The following PLEKHG3 variants were observed in gnomAD, a reference collection of about 807,000 sequenced individuals.
PLEKHG3 encodes the protein pleckstrin homology domain-containing family G member 3.
Under a neutral mutation model 94.9 loss-of-function variants are expected in PLEKHG3, and 62 were observed. That is an observed-to-expected ratio of 0.65 (90% CI 0.53 to 0.81). The LOEUF (loss-of-function observed/expected upper bound fraction) is 0.81. Ranked by LOEUF, PLEKHG3 falls within the 30% of genes least tolerant of loss-of-function variation. The pLI, the probability that PLEKHG3 is intolerant of heterozygous loss-of-function variation, is 0.00. For synonymous variants in PLEKHG3, 614 were observed against 654.0 expected, an observed-to-expected ratio of 0.94 and a Z score of 0.93; for missense variants, 1,461 against 1,619.3, an observed-to-expected ratio of 0.90 and a Z score of 1.68.
rs2081754808 is a variant in PLEKHG3, at chr14:64,743,239, G to A, written c.3196G>A (p.Ala1066Thr). 1 of 1,607,262 alleles carries A rather than the reference G, an allele frequency of 6.2e-7. No homozygotes were observed. The highest frequency in any genetic ancestry group is 8.5e-7 in the Non-Finnish European group (1 of 1,178,932). Residue 1066 changes from alanine (A) to threonine (T), a missense_variant, in exon 17 of 17, where the codon GCA (alanine) becomes ACA (threonine). Coordinates refer to ENST00000247226, the MANE Select transcript of PLEKHG3 (RefSeq NM_001308147.2). This position sits in a 1 kb window ranked among gnomAD's most constrained non-coding sequence, Gnocchi z 7.2. Reference sequence around the variant, plus strand: ...TGCCTCCCGCGATGAGGCACGCCGAGCAGGGGGCGGCCGGCCCCGCGGCCC... The same window carrying A: ...TGCCTCCCGCGATGAGGCACGCCGAACAGGGGGCGGCCGGCCCCGCGGCCC... Reference protein sequence around the residue: ...KYASRDEARRAGGGRPRGPPV... With the variant: ...KYASRDEARRTGGGRPRGPPV...
chr14:64,711,923 T>G (rs986136779), intron 1 of PLEKHG3, among the ~76,000 whole-genome samples: 6 of 152,232 alleles, frequency 3.9e-5, no homozygotes, highest in African/African-American at 1.4e-4. Context: ...TCACTCAGGT[T>G]CATAAAGATT....
intron 13 of PLEKHG3, 37 bp downstream of exon 13, chr14:64,736,928 G>C: frequency 2.6e-6 from 4 of 1,556,262 alleles, no homozygotes; most frequent in South Asian, 1.1e-5. Flanking sequence ...CCCAGTGAGC[G>C]GGGGAGGAGG....
rs1301475979 is a variant in PLEKHG3, at chr14:64,738,219, G to T, written c.1405-523G>T. 2 of 1,287,858 alleles carry T rather than the reference G, an allele frequency of 1.6e-6. No homozygotes were observed. Among genetic ancestry groups the T allele is most frequent in the East Asian group, 5.5e-5 (1 of 18,034 alleles). The allele number at this position is 1,287,858 out of a possible 1,614,324, so 79.8% of individuals were successfully genotyped here. ...CAACGCTTTACTTTTCTCCCGGGGC[G>T]CTATGGTGAGGTGTCTCTTCGATCT... On this transcript the variant is annotated intron_variant, in intron 14 of 16. Transcript: ENST00000247226. This position sits in a 1 kb window ranked among gnomAD's most constrained non-coding sequence, Gnocchi z 4.8.
chr14:64,732,959 G>A lies in PLEKHG3; in HGVS notation c.1345+58G>A. 4 of 1,112,596 alleles carry A rather than the reference G, an allele frequency of 3.6e-6. No homozygotes were observed. The highest frequency in any genetic ancestry group is 5.4e-6 in the Non-Finnish European group (4 of 745,294). The allele number at this position is 1,112,596 out of a possible 1,614,324, so 68.9% of individuals were successfully genotyped here. A position where few individuals can be genotyped will look rare whatever the true frequency, so the allele number is the denominator to read the frequency against. The stretch of plus-strand genomic sequence containing the variant: ...TCCCTCACACCCTTGCCCAGACTGG[G>A]GACCGTCTGCGGCAGTGTCCAGGGC... On this transcript the variant is annotated intron_variant, in intron 12 of 16. Transcript: ENST00000247226. The surrounding 1 kb of genome is among the most constrained non-coding windows in gnomAD (Gnocchi z 4.9).
At position 64,748,400 on chromosome 14, in the gene PLEKHG3, G is replaced by C. The variant is rs1010488043; in HGVS notation, c.*4697G>C. 6.6e-6 allele frequency: 1 copy of C among 152,392 alleles called. No homozygotes were observed. Among genetic ancestry groups the C allele is most frequent in the African/African-American group, 2.4e-5 (1 of 41,446 alleles). The allele number at this position is 152,392 out of a possible 1,614,324, so 9.4% of individuals were successfully genotyped here. ...TGGTTTGGCTGCCACTGGGAGTGGG[G>C]CGAGGGTCCCAGCATTGAGAGGGAG... is the stretch of plus-strand genomic sequence containing the variant. On this transcript the variant is annotated 3_prime_UTR_variant, in exon 17 of 17. Coordinates refer to ENST00000247226, the MANE Select transcript of PLEKHG3 (RefSeq NM_001308147.2).
chr14:64,749,292 G>A lies in PLEKHG3; in HGVS notation c.*5589G>A, dbSNP rs1216691672. 3.2e-6 allele frequency: 5 copies of A among 1,579,720 alleles called. No homozygotes were observed. Among genetic ancestry groups the A allele is most frequent in the East Asian group, 2.3e-5 (1 of 43,212 alleles). Reference sequence around the variant, plus strand: ...TGCGCGTCCCGACTCCGCCGCGCCCGCCAGCCCCACCTGCTACTTCTTTTT... The same window carrying A: ...TGCGCGTCCCGACTCCGCCGCGCCCACCAGCCCCACCTGCTACTTCTTTTT... On this transcript the variant is annotated 3_prime_UTR_variant, in exon 17 of 17. Coordinates refer to ENST00000247226, the MANE Select transcript of PLEKHG3 (RefSeq NM_001308147.2). This position sits in a 1 kb window ranked among gnomAD's most constrained non-coding sequence, Gnocchi z 4.7.
rs997113881 is a variant in PLEKHG3 at position 64,741,039 on chromosome 14, G to A, written c.1522G>A (p.Glu508Lys). The A allele has an allele frequency of 3.8e-6, 6 of 1,578,552 alleles. No individual in the cohort carries two copies. The highest frequency in any genetic ancestry group is 3.6e-5 in the Admixed American group (2 of 55,270). Residue 508 changes from glutamate (E) to lysine (K), a missense_variant, in exon 16 of 17, where the codon GAG (glutamate) becomes AAG (lysine). Transcript: ENST00000247226. ...AGCCTTTTCTGCTATGTTTCAGGTT[G>A]AGCCGGACCCTGAGGCTGGGAGTGA... ...FESISSLPEV[E>K]PDPEAGSEQE...
In PLEKHG3 at chr14:64,724,300, G is replaced by C. The variant is rs141266639; in HGVS notation, c.-39-3293G>C. The stretch of plus-strand genomic sequence containing the variant: ...CACCATCAAACGGTGCCTCCTGACA[G>C]TCTGCACTAGTGTCCTGCTTTGTAC... On this transcript the variant is annotated intron_variant, in intron 1 of 16. Transcript: ENST00000247226. Among the ~76,000 whole-genome samples the C allele has an allele frequency of 4.6e-3, 706 of 152,224 alleles. 7 individuals are homozygous for C. The highest frequency in any genetic ancestry group is 0.016 in the African/African-American group (678 of 41,542).
Position 64,725,876 on chromosome 14 carries a change from GT to G in PLEKHG3, c.-39-1715del. Reference sequence around the variant, plus strand: ...TGTACCTCAGTAAAAGCATCAGTTTGTTCACCATTGTTGTTCATTTGTTAAA... The same window carrying G: ...TGTACCTCAGTAAAAGCATCAGTTTGTCACCATTGTTGTTCATTTGTTAAA... On this transcript the variant is annotated intron_variant, in intron 1 of 16. Transcript: ENST00000247226. This position sits in a 1 kb window ranked among gnomAD's most constrained non-coding sequence, Gnocchi z 5.0. Among the ~76,000 whole-genome samples, 1 of 152,298 alleles carries G rather than the reference GT, an allele frequency of 6.6e-6. No homozygotes were observed. The highest frequency in any genetic ancestry group is 6.5e-5 in the Admixed American group (1 of 15,300).
rs577029062 is a variant in PLEKHG3, at chr14:64,731,058, T to C, written c.738T>C (p.Asp246=). Residue 246 remains aspartate, a synonymous_variant, in exon 7 of 17, where the codon GAT becomes GAC. Transcript: ENST00000247226. The surrounding 1 kb of genome is among the most constrained non-coding windows in gnomAD (Gnocchi z 6.1). ...LLLQEIAKHF[D]EEEDGFEVVE... ...CGCAGGAAATTGCCAAGCATTTTGA[T>C]GAAGAAGAGGATGGCTTTGAGGTGG... The C allele has an allele frequency of 2.5e-6, 4 of 1,613,958 alleles. No homozygotes were observed. The highest frequency in any genetic ancestry group is 3.4e-6 in the Non-Finnish European group (4 of 1,179,990).
rs953386398 is a variant in PLEKHG3, at chr14:64,738,626, C to T, written c.1405-116C>T. On this transcript the variant is annotated intron_variant, in intron 14 of 16. Transcript: ENST00000247226. This position sits in a 1 kb window ranked among gnomAD's most constrained non-coding sequence, Gnocchi z 4.8. ...GCTCTGGAATGGCTCAGGTCCAAGA[C>T]TGGCTCTCAGCTCAGCCCAGCCCCT... is the stretch of plus-strand genomic sequence containing the variant. 18 of 761,192 alleles carry T rather than the reference C, an allele frequency of 2.4e-5. No homozygotes were observed. The highest frequency in any genetic ancestry group is 1.6e-4 in the African/African-American group (9 of 57,480). The allele number at this position is 761,192 out of a possible 1,614,324, so 47.2% of individuals were successfully genotyped here. A position where few individuals can be genotyped will look rare whatever the true frequency, so the allele number is the denominator to read the frequency against.
Position 64,749,844 on chromosome 14 carries a change from C to T in PLEKHG3, c.*6141C>T. On this transcript the variant is annotated 3_prime_UTR_variant, in exon 17 of 17. Coordinates refer to ENST00000247226, the MANE Select transcript of PLEKHG3 (RefSeq NM_001308147.2). This position sits in a 1 kb window ranked among gnomAD's most constrained non-coding sequence, Gnocchi z 4.7. ...CTTTCTGAGAGGTCAAAGTCTGGACCATCAGCCTCTTTGATTTGAAAAACC... is the reference window on the plus strand; with the variant it reads ...CTTTCTGAGAGGTCAAAGTCTGGACTATCAGCCTCTTTGATTTGAAAAACC... 1 of 1,483,898 alleles carries T rather than the reference C, an allele frequency of 6.7e-7. No homozygotes were observed. Among genetic ancestry groups the T allele is most frequent in the Non-Finnish European group, 9.3e-7 (1 of 1,072,398 alleles). The allele number at this position is 1,483,898 out of a possible 1,614,324, so 91.9% of individuals were successfully genotyped here.
rs1219682857 is a variant in PLEKHG3, at chr14:64,738,983, C to G, written c.1518+128C>G. 8 of 664,988 alleles carry G rather than the reference C, an allele frequency of 1.2e-5. No individual in the cohort carries two copies. Among genetic ancestry groups the G allele is most frequent in the Admixed American group, 4.6e-5 (2 of 43,362 alleles). 41.2% of individuals were successfully genotyped at this position (664,988 alleles called of 1,614,324 possible). A position where few individuals can be genotyped will look rare whatever the true frequency, so the allele number is the denominator to read the frequency against. The stretch of plus-strand genomic sequence containing the variant: ...CATGGGAACAGAGATTCCCCACCTC[C>G]CAGGACTCTCAGCCCTGCATGAAGC... On this transcript the variant is annotated intron_variant, in intron 15 of 16. Coordinates refer to ENST00000247226, the MANE Select transcript of PLEKHG3 (RefSeq NM_001308147.2). This position sits in a 1 kb window ranked among gnomAD's most constrained non-coding sequence, Gnocchi z 4.8.
In PLEKHG3 at chr14:64,722,911, C is replaced by T. The variant is rs918661388; in HGVS notation, c.-39-4682C>T. Among the ~76,000 whole-genome samples the T allele has an allele frequency of 6.6e-6, 1 of 152,190 alleles. No individual in the cohort carries two copies. Among genetic ancestry groups the T allele is most frequent in the African/African-American group, 2.4e-5 (1 of 41,450 alleles). Reference sequence around the variant, plus strand: ...GTAATCCTGTGGGATAGGGGAGGAGCAGGGTCCCATTGCCTCAGTGACAGG... The same window carrying T: ...GTAATCCTGTGGGATAGGGGAGGAGTAGGGTCCCATTGCCTCAGTGACAGG... On this transcript the variant is annotated intron_variant, in intron 1 of 16. Coordinates refer to ENST00000247226, the MANE Select transcript of PLEKHG3 (RefSeq NM_001308147.2). This position sits in a 1 kb window ranked among gnomAD's most constrained non-coding sequence, Gnocchi z 4.3.
rs1223727083 is a variant in PLEKHG3 at position 64,726,191 on chromosome 14, G to T, written c.-39-1402G>T. Among the ~76,000 whole-genome samples, 1 of 152,140 alleles carries T rather than the reference G, an allele frequency of 6.6e-6. No homozygotes were observed. The highest frequency in any genetic ancestry group is 1.5e-5 in the Non-Finnish European group (1 of 68,012). On this transcript the variant is annotated intron_variant, in intron 1 of 16. Coordinates refer to ENST00000247226, the MANE Select transcript of PLEKHG3 (RefSeq NM_001308147.2). This position sits in a 1 kb window ranked among gnomAD's most constrained non-coding sequence, Gnocchi z 5.1. Reference sequence around the variant, plus strand: ...GCAGAGAGAACATTTGCAAAAGCCGGAGACCCAGGGGTGTTGGTTTCCAGG... The same window carrying T: ...GCAGAGAGAACATTTGCAAAAGCCGTAGACCCAGGGGTGTTGGTTTCCAGG...
chr14:64,749,559 A>T lies in PLEKHG3; in HGVS notation c.*5856A>T, dbSNP rs1594731344. The T allele has an allele frequency of 1.2e-6, 2 of 1,604,072 alleles. No homozygotes were observed. Among genetic ancestry groups the T allele is most frequent in the South Asian group, 2.2e-5 (2 of 90,834 alleles). On this transcript the variant is annotated 3_prime_UTR_variant, in exon 17 of 17. Transcript: ENST00000247226. The surrounding 1 kb of genome is among the most constrained non-coding windows in gnomAD (Gnocchi z 4.7). ...GGCAACAATGGTGGGGGCTCTTGGG[A>T]CTGCCCCTTCTGAGGGGGCCTCCAG...
At chr14:64,736,995 C>G in intron 13 of PLEKHG3, 104 bp downstream of exon 13, 2 of 885,176 alleles carry the variant, frequency 2.3e-6, no homozygotes, top group Non-Finnish European at 1.9e-6. Context: ...GGAGGATTGT[C>G]AGAATAGTGT....
chr14:64,711,994 C>G (rs1040894987), intron 1 of PLEKHG3, among the ~76,000 whole-genome samples: 1 of 151,912 alleles, frequency 6.6e-6, no homozygotes, highest in Non-Finnish European at 1.5e-5. Flanking sequence ...GGTCTGTGAC[C>G]CATTTTGACT....
At chr14:64,713,046 G>T (rs930958946) in intron 1 of PLEKHG3, among the ~76,000 whole-genome samples, 2 of 152,094 alleles carry the variant, frequency 1.3e-5, no homozygotes, top group Admixed American at 6.5e-5. Flanking sequence ...TTTTTTCTGG[G>T]TGTATTGAAG....
Sources: allele counts gnomAD v4.1 joint callset (sites outside exome capture counted in the v4.1 genomes callset), GRCh38; gene constraint gnomAD v4.1.1; non-coding constraint Gnocchi (gnomAD v3.1); transcripts MANE v1.5; gene names NCBI Gene and HGNC (gene_info 2026-07-23, HGNC 2026-07-21).